The following GRIN2A variants were observed in gnomAD, a reference collection of about 807,000 sequenced individuals.
GRIN2A encodes glutamate ionotropic receptor NMDA type subunit 2A.
Under a neutral mutation model 113.4 loss-of-function variants are expected in GRIN2A, and 22 were observed. The observed-to-expected ratio is 0.19, with a 90% confidence interval of 0.14 to 0.28. The LOEUF (loss-of-function observed/expected upper bound fraction) is 0.28, where lower values mean the gene tolerates loss of function less well. Among genes scored for constraint, GRIN2A ranks in the 10% least tolerant of loss-of-function variants. The pLI is 1.00. For missense variants in GRIN2A, 1,502 were observed against 1,887.0 expected, an observed-to-expected ratio of 0.80 and a Z score of 3.78; for synonymous variants, 827 against 738.4, an observed-to-expected ratio of 1.12 and a Z score of -1.94.
At chr16:9,889,910 A>T (rs2043659829) in intron 4 of GRIN2A, among the ~76,000 whole-genome samples, 1 of 152,188 alleles carries the variant, frequency 6.6e-6, no homozygotes, top group South Asian at 2.1e-4. Context: ...GTGCACTCGA[A>T]AGGCTGTGCA....
intron 11 of GRIN2A, among the ~76,000 whole-genome samples, chr16:9,791,587 G>A (rs977060647): frequency 9.2e-5 from 14 of 152,238 alleles, no homozygotes; most frequent in East Asian, 5.8e-4. Context: ...CCCCAGACTC[G>A]GATGTCAGCC....
intron 9 of GRIN2A, among the ~76,000 whole-genome samples, chr16:9,823,099 C>T (rs542716698): frequency 4.6e-5 from 7 of 152,280 alleles, no homozygotes; most frequent in Middle Eastern, 3.4e-3. Flanking sequence ...ACGCAGCACT[C>T]GGCACTCAAG....
chr16:10,039,799 G>A (rs1474336547), intron 2 of GRIN2A, among the ~76,000 whole-genome samples: 8 of 101,394 alleles, frequency 7.9e-5, no homozygotes, highest in Middle Eastern at 6.3e-3. Flanking sequence ...AGGGGGAGGG[G>A]GAGGGGGGGG....
chr16:10,133,082 C>T (rs140518166), intron 2 of GRIN2A, among the ~76,000 whole-genome samples: 25 of 152,308 alleles, frequency 1.6e-4, no homozygotes, highest in Non-Finnish European at 2.5e-4. Context: ...ATATTGGGCC[C>T]ACCAGATAAT....
chr16:9,800,272 C>A (rs547414177), intron 10 of GRIN2A, among the ~76,000 whole-genome samples: 2 of 152,170 alleles, frequency 1.3e-5, no homozygotes, highest in South Asian at 4.2e-4. Context: ...ATGATTAGAT[C>A]CCTGTCAGTA....
intron 2 of GRIN2A, 105 bp downstream of exon 2, chr16:10,179,893 C>CCCAAAA: frequency 8.3e-6 from 6 of 719,808 alleles, no homozygotes; most frequent in Non-Finnish European, 1.2e-5. Flanking sequence ...CCCCCACCCC[C>CCCAAAA]ACTTCACATC....
At chr16:10,112,045 C>G (rs534800272) in intron 2 of GRIN2A, 5 of 624,452 alleles carry the variant, frequency 8.0e-6, no homozygotes, top group Admixed American at 4.5e-5. Context: ...GCCATCGTCT[C>G]CCACACCAAC....
chr16:9,931,698 T>C (rs906383652), intron 3 of GRIN2A, among the ~76,000 whole-genome samples: 9 of 152,186 alleles, frequency 5.9e-5, no homozygotes, highest in African/African-American at 1.9e-4. Flanking sequence ...GTGTAAAATG[T>C]GTCCCCTCCG....
chr16:10,048,361 G>C (rs1013056270), intron 2 of GRIN2A, among the ~76,000 whole-genome samples: 2 of 152,096 alleles, frequency 1.3e-5, no homozygotes, highest in African/African-American at 4.8e-5. Flanking sequence ...CAAGTTTCTA[G>C]GACTTGGGAG....
intron 2 of GRIN2A, among the ~76,000 whole-genome samples, chr16:10,179,326 G>A (rs891179032): frequency 6.6e-6 from 1 of 152,138 alleles, no homozygotes; most frequent in Non-Finnish European, 1.5e-5. Context: ...GGCCCTCCAT[G>A]CTCTGGGTTT....
intron 2 of GRIN2A, among the ~76,000 whole-genome samples, chr16:10,148,795 A>G: frequency 6.6e-6 from 1 of 152,226 alleles, no homozygotes. Flanking sequence ...AGCACTATTC[A>G]CAATAGCCAA....
intron 10 of GRIN2A, among the ~76,000 whole-genome samples, chr16:9,809,274 G>T (rs967079073): frequency 1.3e-5 from 2 of 152,028 alleles, no homozygotes; most frequent in Non-Finnish European, 2.9e-5. Context: ...ACAAAAATCA[G>T]CTGGGCGTCA....
At chr16:9,972,692 T>C (rs2045696395) in intron 2 of GRIN2A, among the ~76,000 whole-genome samples, 1 of 152,146 alleles carries the variant, frequency 6.6e-6, no homozygotes, top group South Asian at 2.1e-4. Flanking sequence ...GATAGATCAA[T>C]AGAAATGACT....
At chr16:10,080,411 T>C (rs897166285) in intron 2 of GRIN2A, among the ~76,000 whole-genome samples, 3 of 152,192 alleles carry the variant, frequency 2.0e-5, no homozygotes, top group Admixed American at 6.5e-5. Flanking sequence ...AGATGGTTAT[T>C]AGCCACTGTC....
chr16:9,899,358 T>A (rs548361978), intron 3 of GRIN2A, among the ~76,000 whole-genome samples: 1 of 141,950 alleles, frequency 7.0e-6, no homozygotes, highest in Non-Finnish European at 1.5e-5. Context: ...GAGAACCACT[T>A]GAATCCAGGA....
Position 10,044,226 on chromosome 16 carries a change from G to T in GRIN2A, c.415-105675C>A, listed in dbSNP as rs543793197. On this transcript the variant is annotated intron_variant, in intron 2 of 12. Coordinates refer to ENST00000330684, the MANE Select transcript of GRIN2A (RefSeq NM_001134407.3). ...TTTTTGTATTTTTAGTAAATATGGG[G>T]TTTCACAATGTTGGCCAGGCTGGTC... Among the ~76,000 whole-genome samples, 3 of 151,928 alleles carry T rather than the reference G, an allele frequency of 2.0e-5. No individual in the cohort carries two copies. The East Asian group carries it at 5.8e-4, about 30-fold the overall frequency.
At chr16:9,798,205 A>C (rs1194698443) in intron 11 of GRIN2A, 72 bp downstream of exon 11, 1 of 1,215,070 alleles carries the variant, frequency 8.2e-7, no homozygotes. Context: ...TCCACTGGGA[A>C]GCCCAGGAGC....
Position 10,091,586 on chromosome 16 carries a change from G to A in GRIN2A, c.414+88412C>T, listed in dbSNP as rs539348970. ...GAGGATTGCTTGAGCCTCGGAGGCA[G>A]AGGCTGCAGTGAGCCACAGCCTGGG... On this transcript the variant is annotated intron_variant, in intron 2 of 12. Coordinates refer to ENST00000330684, the MANE Select transcript of GRIN2A (RefSeq NM_001134407.3). 2.6e-5 allele frequency among the ~76,000 whole-genome samples: 4 copies of A among 152,306 alleles called. No homozygotes were observed. In the East Asian group the frequency reaches 7.7e-4, roughly 29 times the overall value.
chr16:9,971,809 A>G (rs990353220), intron 2 of GRIN2A, among the ~76,000 whole-genome samples: 4 of 152,138 alleles, frequency 2.6e-5, no homozygotes, highest in African/African-American at 9.7e-5. Flanking sequence ...AATTAAAGCT[A>G]GAAGGAAAAA....
Sources: gnomAD v4.1 joint callset for allele counts (sites outside exome capture counted in the v4.1 genomes callset) on GRCh38, gnomAD v4.1.1 for gene constraint, MANE v1.5 for transcripts, NCBI Gene and HGNC (gene_info 2026-07-23, HGNC 2026-07-21) for gene names.